WWOX: variants seen among roughly 807,000 people sequenced by gnomAD.
WWOX encodes the protein WW domain-containing oxidoreductase.
In WWOX, 69 loss-of-function variants were observed where a neutral mutation model predicts 46.2. That is an observed-to-expected ratio of 1.49 (90% CI 1.23 to 1.82). The LOEUF is 1.82. Among genes scored for constraint, WWOX ranks in the 40% most tolerant of loss-of-function variants. The pLI is 0.00. For synonymous variants in WWOX, 359 were observed against 202.6 expected, an observed-to-expected ratio of 1.77 and a Z score of -6.56; for missense variants, 919 against 542.6, an observed-to-expected ratio of 1.69 and a Z score of -6.89.
intron 8 of WWOX, among the ~76,000 whole-genome samples, chr16:78,438,562 G>C (rs1037042820): frequency 6.6e-6 from 1 of 151,984 alleles, no homozygotes. Context: ...ATTTGAAGTT[G>C]AGCACTGTCA....
chr16:78,133,008 G>A (rs936419607), intron 4 of WWOX, among the ~76,000 whole-genome samples: 1 of 152,020 alleles, frequency 6.6e-6, no homozygotes, highest in South Asian at 2.1e-4. Flanking sequence ...GTTTCTGGAT[G>A]GTATTTGGAT....
At chr16:78,485,147 A>T (rs2084600303) in intron 8 of WWOX, among the ~76,000 whole-genome samples, 1 of 152,204 alleles carries the variant, frequency 6.6e-6, no homozygotes, top group Non-Finnish European at 1.5e-5. Context: ...TACTTTAAAA[A>T]AAAAAATTAA....
rs374096715 is a variant in WWOX, at chr16:78,228,092, T to C, written c.516+63803T>C. Among the ~76,000 whole-genome samples the C allele has an allele frequency of 1.3e-4, 20 of 152,258 alleles. No individual in the cohort carries two copies. In the East Asian group the frequency reaches 3.7e-3, roughly 28 times the overall value. On this transcript the variant is annotated intron_variant, in intron 5 of 8. Transcript: ENST00000566780. ...CTATGGGGAGAGGAAGCTGGTTGGC[T>C]TTGTCACAAATGCCTTGATGTCTCT...
At chr16:79,037,443 G>A (rs1382720298) in intron 8 of WWOX, among the ~76,000 whole-genome samples, 1 of 152,118 alleles carries the variant, frequency 6.6e-6, no homozygotes, top group Non-Finnish European at 1.5e-5. Context: ...CTAGACTGGG[G>A]GTTCGTTACA....
At chr16:78,466,973 C>T (rs917146914) in intron 8 of WWOX, among the ~76,000 whole-genome samples, 6 of 152,008 alleles carry the variant, frequency 3.9e-5, no homozygotes, top group African/African-American at 7.3e-5. Context: ...TAGAGAGGGA[C>T]ACCGATCCCT....
chr16:78,896,307 G>A (rs1010640692), intron 8 of WWOX: 3 of 151,738 alleles, frequency 2.0e-5, no homozygotes, highest in African/African-American at 7.3e-5. Context: ...TTTGGGAAAA[G>A]GATTGTAGAA....
At chr16:78,598,532 T>C (rs1006275813) in intron 8 of WWOX, among the ~76,000 whole-genome samples, 5 of 152,196 alleles carry the variant, frequency 3.3e-5, no homozygotes, top group Non-Finnish European at 5.9e-5. Flanking sequence ...GAGAGCTTAG[T>C]TGGGGGAGAG....
intron 8 of WWOX, among the ~76,000 whole-genome samples, chr16:78,800,273 C>T (rs935149978): frequency 6.6e-6 from 1 of 151,822 alleles, no homozygotes; most frequent in Admixed American, 6.6e-5. Flanking sequence ...AGCTTTTCAG[C>T]CACAGTATTT....
chr16:78,758,593 C>T (rs1470833863), intron 8 of WWOX, among the ~76,000 whole-genome samples: 1 of 152,192 alleles, frequency 6.6e-6, no homozygotes, highest in Non-Finnish European at 1.5e-5. Context: ...CAGAAACTAT[C>T]AACCGTGGAT....
intron 8 of WWOX, among the ~76,000 whole-genome samples, chr16:78,820,883 G>A (rs1413943212): frequency 6.6e-6 from 1 of 152,214 alleles, no homozygotes; most frequent in East Asian, 1.9e-4. Flanking sequence ...CCCTTGGCTT[G>A]GAAACACCAC....
chr16:78,353,382 C>A (rs1245383024), intron 5 of WWOX, among the ~76,000 whole-genome samples: 1 of 152,172 alleles, frequency 6.6e-6, no homozygotes, highest in Non-Finnish European at 1.5e-5. Flanking sequence ...TGAAGAGTTA[C>A]CTGTGAGCCT....
At chr16:78,973,384 T>G (rs983875800) in intron 8 of WWOX, among the ~76,000 whole-genome samples, 1 of 152,112 alleles carries the variant, frequency 6.6e-6, no homozygotes, top group African/African-American at 2.4e-5. Context: ...TCTAGAACGA[T>G]CTCCACTTTT....
At chr16:78,378,439 C>T (rs1246629860) in intron 5 of WWOX, among the ~76,000 whole-genome samples, 1 of 152,034 alleles carries the variant, frequency 6.6e-6, no homozygotes, top group Non-Finnish European at 1.5e-5. Flanking sequence ...CAACTGTGTC[C>T]CCATGCATTT....
intron 5 of WWOX, among the ~76,000 whole-genome samples, chr16:78,209,832 T>C (rs1156972337): frequency 2.0e-5 from 3 of 152,182 alleles, no homozygotes; most frequent in African/African-American, 7.2e-5. Flanking sequence ...TGATGAAATA[T>C]GTATGTCTTT....
intron 8 of WWOX, chr16:78,535,024 T>G (rs796732217): frequency 7.9e-5 from 12 of 152,362 alleles, no homozygotes; most frequent in African/African-American, 2.9e-4. Flanking sequence ...TTGCTTTATA[T>G]TTTAAGACTA....
At chr16:78,389,040 A>G (rs935044645) in intron 6 of WWOX, among the ~76,000 whole-genome samples, 2 of 152,038 alleles carry the variant, frequency 1.3e-5, no homozygotes, top group African/African-American at 2.4e-5. Context: ...TGAGGTCTAC[A>G]TTAGAGTCAG....
At chr16:78,888,148 G>T (rs2044507244) in intron 8 of WWOX, among the ~76,000 whole-genome samples, 2 of 152,134 alleles carry the variant, frequency 1.3e-5, no homozygotes. Context: ...ACAAAAAGCT[G>T]GCTCCTTTTA....
intron 8 of WWOX, among the ~76,000 whole-genome samples, chr16:79,068,865 A>AATAAG (rs2048494351): frequency 7.1e-6 from 1 of 140,828 alleles, no homozygotes; most frequent in Non-Finnish European, 1.6e-5. Context: ...ATAATAATAA[A>AATAAG]GAAAGCGAGA....
chr16:78,930,318 C>T (rs1241220662), intron 8 of WWOX, among the ~76,000 whole-genome samples: 2 of 140,514 alleles, frequency 1.4e-5, no homozygotes, highest in South Asian at 2.4e-4. Context: ...CTCCTCCACA[C>T]CCAGACTGGA....
Sources: gnomAD v4.1 joint callset for allele counts (sites outside exome capture counted in the v4.1 genomes callset) on GRCh38, gnomAD v4.1.1 for gene constraint, MANE v1.5 for transcripts, NCBI Gene and HGNC (gene_info 2026-07-23, HGNC 2026-07-21) for gene names.